ZNF462: variants seen among roughly 807,000 people sequenced by gnomAD.
The protein encoded by ZNF462 is zinc finger protein 462, also known as zinc finger PBX1-interacting protein.
ZNF462 carries 10 observed loss-of-function variants against 201.9 expected under a neutral mutation model. The observed-to-expected ratio is 0.05, with a 90% CI of 0.03 to 0.08. The LOEUF is 0.08. Ranked by LOEUF, ZNF462 falls within the 10% of genes least tolerant of loss-of-function variation. The pLI is 1.00. For missense variants in ZNF462, 2,523 were observed against 3,168.3 expected (o/e 0.80, Z 4.89); for synonymous variants, 1,227 against 1,193.3 (o/e 1.03, Z -0.58).
At position 106,929,785 on chromosome 9, in the gene ZNF462, C is replaced by T. The variant is rs750678422; in HGVS notation, c.5847+26C>T. 6.3e-7 allele frequency: 1 copy of T among 1,575,970 alleles called. No homozygotes were observed. The highest frequency in any genetic ancestry group is 1.7e-5 in the Admixed American group (1 of 57,982). On this transcript the variant is annotated intron_variant, in intron 3 of 12. Transcript: ENST00000277225. The surrounding 1 kb of genome is among the most constrained non-coding windows in gnomAD (Gnocchi z 8.7). ...GTAAGGATATGTTTTGATTTCCCTT[C>T]CCCCAGGAGGCCTCTCATCACTGGT... is the stretch of plus-strand genomic sequence containing the variant.
At chr9:106,884,570 C>T (rs1564075916) in intron 1 of ZNF462, among the ~76,000 whole-genome samples, 3 of 152,016 alleles carry the variant, frequency 2.0e-5, no homozygotes, top group Non-Finnish European at 2.9e-5. Flanking sequence ...CTTCCTCCCA[C>T]CATGGAGGCA....
At chr9:106,918,587 C>T (rs972718621) in intron 1 of ZNF462, among the ~76,000 whole-genome samples, 2 of 152,090 alleles carry the variant, frequency 1.3e-5, no homozygotes, top group Admixed American at 1.3e-4. Flanking sequence ...CTAAGAATAG[C>T]AACCCAACAT....
chr9:106,907,877 C>T (rs75603984), intron 1 of ZNF462, among the ~76,000 whole-genome samples: 1,581 of 151,954 alleles, frequency 0.01, 37 homozygotes, highest in East Asian at 0.078. Context: ...CTAAGTATTG[C>T]TTTTACCAGA....
chr9:106,862,766 TCTC>T (rs1301136901), upstream of ZNF462, among the ~76,000 whole-genome samples: 1 of 152,138 alleles, frequency 6.6e-6, no homozygotes, highest in African/African-American at 2.4e-5. This position sits in a 1 kb window ranked among gnomAD's most constrained non-coding sequence, Gnocchi z 4.2. Flanking sequence ...TCCTCCAGCT[TCTC>T]CTTCTGCTCT....
rs989110227 is a variant in ZNF462 at position 106,961,656 on chromosome 9, G to A, written c.6428-10349G>A. On this transcript the variant is annotated intron_variant, in intron 7 of 12. Coordinates refer to ENST00000277225, the MANE Select transcript of ZNF462 (RefSeq NM_021224.6). ...TAGATAGATGGATGGATGCACACATGGATACATGAATGGATAGATGGATGG... is the reference window on the plus strand; with the variant it reads ...TAGATAGATGGATGGATGCACACATAGATACATGAATGGATAGATGGATGG... Among the ~76,000 whole-genome samples the A allele has an allele frequency of 6.6e-5, 10 of 151,914 alleles. No individual in the cohort carries two copies. The East Asian group carries it at 1.4e-3, about 21-fold the overall frequency.
intron 1 of ZNF462, among the ~76,000 whole-genome samples, chr9:106,893,004 A>G (rs1828655987): frequency 6.6e-6 from 1 of 152,246 alleles, no homozygotes; most frequent in African/African-American, 2.4e-5. Flanking sequence ...GCCCCCTTCT[A>G]TATCTCAGAG....
chr9:106,927,474 G>A lies in ZNF462; in HGVS notation c.3562G>A (p.Val1188Met). 2 of 1,613,716 alleles carry A rather than the reference G, an allele frequency of 1.2e-6. No individual in the cohort carries two copies. Among genetic ancestry groups the A allele is most frequent in the Middle Eastern group, 1.6e-4 (1 of 6,062 alleles). The change falls in exon 3 of 13, where the codon GTG (valine) becomes ATG (methionine). Residue 1188 changes from valine to methionine, a missense_variant. Around this residue, in one of 15 missense-constraint regions of ZNF462, gnomAD observed 222 missense variants for 271.6 expected, o/e 0.82. Transcript: ENST00000277225. ...CAGCTCTGAGAGAGATGGCCCTCCT[G>A]TGGAGAATGAGATGTTCTTTTGCCA... ...RSSSERDGPPVENEMFFCQHC... is the reference protein window; with the variant it reads ...RSSSERDGPPMENEMFFCQHC...
chr9:106,907,106 G>T (rs1829304591), intron 1 of ZNF462, among the ~76,000 whole-genome samples: 1 of 152,072 alleles, frequency 6.6e-6, no homozygotes, highest in South Asian at 2.1e-4. Flanking sequence ...AGTGTTGATA[G>T]ATTTTCCTGT....
At position 106,956,129 on chromosome 9, in the gene ZNF462, G is replaced by A. The variant is rs187418714; in HGVS notation, c.6428-15876G>A. ...TTTGCCTAAGTCAGAAGAATTCATC[G>A]GAAGAATCACTATCTATGGCAACTG... On this transcript the variant is annotated intron_variant, in intron 7 of 12. Coordinates refer to ENST00000277225, the MANE Select transcript of ZNF462 (RefSeq NM_021224.6). Among the ~76,000 whole-genome samples the A allele has an allele frequency of 1.2e-4, 19 of 152,138 alleles. No individual in the cohort carries two copies. The East Asian group carries it at 1.5e-3, about 12-fold the overall frequency.
At chr9:106,877,727 C>CT (rs1027438824) in intron 1 of ZNF462, among the ~76,000 whole-genome samples, 1 of 152,162 alleles carries the variant, frequency 6.6e-6, no homozygotes, top group African/African-American at 2.4e-5. Context: ...AGTTGCCACT[C>CT]TAACTTTGTC....
chr9:106,932,361 C>T lies in ZNF462; in HGVS notation c.6013-85C>T, dbSNP rs1830459254. 3 of 1,595,602 alleles carry T rather than the reference C, an allele frequency of 1.9e-6. No homozygotes were observed. The highest frequency in any genetic ancestry group is 2.6e-6 in the Non-Finnish European group (3 of 1,170,608). Reference sequence around the variant, plus strand: ...TGGGCCGGGTGGATGGTGAACACTGCTTGCTTGATGGAATGTTGGAGGATG... The same window carrying T: ...TGGGCCGGGTGGATGGTGAACACTGTTTGCTTGATGGAATGTTGGAGGATG... On this transcript the variant is annotated intron_variant, in intron 4 of 12. Transcript: ENST00000277225. The surrounding 1 kb of genome is among the most constrained non-coding windows in gnomAD (Gnocchi z 6.8).
intron 1 of ZNF462, among the ~76,000 whole-genome samples, chr9:106,873,548 A>G (rs921828788): frequency 6.6e-6 from 1 of 152,192 alleles, no homozygotes; most frequent in Non-Finnish European, 1.5e-5. Flanking sequence ...GATGTTTGAA[A>G]ATTAGTTCTA....
rs1178131100 is a variant in ZNF462, at chr9:106,938,802, G to A, written c.6236-114G>A. 4.3e-6 allele frequency: 5 copies of A among 1,150,788 alleles called. No homozygotes were observed. The highest frequency in any genetic ancestry group is 6.1e-6 in the Non-Finnish European group (5 of 821,128). The allele number at this position is 1,150,788 out of a possible 1,614,324, so 71.3% of individuals were successfully genotyped here. A position where few individuals can be genotyped will look rare whatever the true frequency, so the allele number is the denominator to read the frequency against. ...GTGAGGTTCGTTCATAGAACATGAA[G>A]CTTGAGATGCGCTTCTCTAGCATGA... On this transcript the variant is annotated intron_variant, in intron 6 of 12. Coordinates refer to ENST00000277225, the MANE Select transcript of ZNF462 (RefSeq NM_021224.6). This position sits in a 1 kb window ranked among gnomAD's most constrained non-coding sequence, Gnocchi z 4.4.
intron 1 of ZNF462, among the ~76,000 whole-genome samples, chr9:106,911,853 T>C (rs1269789648): frequency 6.6e-6 from 1 of 152,216 alleles, no homozygotes; most frequent in Non-Finnish European, 1.5e-5. Context: ...TGGATATAGA[T>C]ACCCTCTAGG....
rs1032456828 is a variant in ZNF462 at position 106,919,923 on chromosome 9, A to C, written c.-30-3431A>C. On this transcript the variant is annotated intron_variant, in intron 1 of 12. Transcript: ENST00000277225. The surrounding 1 kb of genome is among the most constrained non-coding windows in gnomAD (Gnocchi z 4.5). ...CTTTTGAAATAGACTCTTTTTAGTT[A>C]GTTCAGAAACTTCCTCTTTTACTTT... Among the ~76,000 whole-genome samples, 2 of 152,192 alleles carry C rather than the reference A, an allele frequency of 1.3e-5. No homozygotes were observed. The highest frequency in any genetic ancestry group is 2.9e-5 in the Non-Finnish European group (2 of 68,038).
At chr9:107,002,092 T>G (rs1317483693) in intron 10 of ZNF462, among the ~76,000 whole-genome samples, 1 of 152,148 alleles carries the variant, frequency 6.6e-6, no homozygotes, top group African/African-American at 2.4e-5. Flanking sequence ...TCAGCAAATC[T>G]TTGTTCCAGT....
In ZNF462 at chr9:106,913,605, C is replaced by CT. The variant is rs35407666; in HGVS notation, c.-30-9737dup. On this transcript the variant is annotated intron_variant, in intron 1 of 12. Transcript: ENST00000277225. This position sits in a 1 kb window ranked among gnomAD's most constrained non-coding sequence, Gnocchi z 4.1. ...CAGAGGTCACATGCTAAAGACTTAACTTTTTTTTTTTTGAGACAATCTCAT... is the reference window on the plus strand; with the variant it reads ...CAGAGGTCACATGCTAAAGACTTAACTTTTTTTTTTTTTGAGACAATCTCAT... 6.3e-3 allele frequency among the ~76,000 whole-genome samples: 861 copies of CT among 135,780 alleles called. 48 individuals carry two copies. In the East Asian group the frequency reaches 0.078, roughly 12 times the overall value. 89.1% of individuals were successfully genotyped at this position (135,780 alleles called of 152,430 possible).
intron 5 of ZNF462, among the ~76,000 whole-genome samples, chr9:106,934,125 A>C (rs917364932): frequency 5.3e-5 from 8 of 152,128 alleles, no homozygotes; most frequent in African/African-American, 1.9e-4. Context: ...ATATTACTTA[A>C]TTTCATTCTC....
rs548127356 is a variant in ZNF462, at chr9:107,008,419, G to A, written c.7190-1126G>A. ...CAGAGCCCCCCATCCTGTTAACATC[G>A]TCCTGAGAATCTTATTAGATGGGGC... is the stretch of plus-strand genomic sequence containing the variant. On this transcript the variant is annotated intron_variant, in intron 11 of 12. Transcript: ENST00000277225. This position sits in a 1 kb window ranked among gnomAD's most constrained non-coding sequence, Gnocchi z 4.8. Among the ~76,000 whole-genome samples, 7 of 152,194 alleles carry A rather than the reference G, an allele frequency of 4.6e-5. No homozygotes were observed. Among genetic ancestry groups the A allele is most frequent in the Admixed American group, 2.0e-4 (3 of 15,286 alleles).
Sources: allele counts gnomAD v4.1 joint callset (sites outside exome capture counted in the v4.1 genomes callset), GRCh38; gene constraint gnomAD v4.1.1; regional missense constraint gnomAD v4.1.1; non-coding constraint Gnocchi (gnomAD v3.1); transcripts MANE v1.5; gene names NCBI Gene and HGNC (gene_info 2026-07-23, HGNC 2026-07-21).